Variants in KCNH8 observed in about 807,000 individuals in gnomAD.
KCNH8 encodes the protein potassium voltage-gated channel subfamily H member 8, also known as voltage-gated delayed rectifier potassium channel KCNH8.
KCNH8 carries 70 observed loss-of-function variants against 103.6 expected under a neutral mutation model. The ratio of observed to expected loss-of-function variants is 0.68; its 90% CI spans 0.56 to 0.82. The LOEUF is 0.82. Ranked by LOEUF, KCNH8 falls within the 40% of genes least tolerant of loss-of-function variation. The pLI is 0.00. For synonymous variants in KCNH8, 498 were observed against 489.4 expected, an observed-to-expected ratio of 1.02 and a Z score of -0.23; for missense variants, 1,217 against 1,329.9, an observed-to-expected ratio of 0.92 and a Z score of 1.32.
At chr3:19,506,543 CA>C (rs2125238086) in intron 11 of KCNH8, among the ~76,000 whole-genome samples, 1 of 152,240 alleles carries the variant, frequency 6.6e-6, no homozygotes, top group South Asian at 2.1e-4. Flanking sequence ...CTCATGATTG[CA>C]GCTATGCTCC....
intron 5 of KCNH8, among the ~76,000 whole-genome samples, chr3:19,371,904 C>G (rs1156402153): frequency 2.0e-5 from 3 of 150,316 alleles, no homozygotes; most frequent in Admixed American, 6.6e-5. Context: ...TCAGGTTTGT[C>G]AAAGATCAGA....
At chr3:19,232,930 A>G (rs1487151606) in intron 1 of KCNH8, among the ~76,000 whole-genome samples, 1 of 152,198 alleles carries the variant, frequency 6.6e-6, no homozygotes, top group Non-Finnish European at 1.5e-5. Flanking sequence ...CTGATGTTTG[A>G]CACATAAAAT....
chr3:19,162,796 G>T (rs1452672168), intron 1 of KCNH8, among the ~76,000 whole-genome samples: 1 of 152,028 alleles, frequency 6.6e-6, no homozygotes, highest in Non-Finnish European at 1.5e-5. Context: ...TTTGAAGGTA[G>T]TTACCCTGAA....
At chr3:19,378,904 G>T (rs1363175558) in intron 5 of KCNH8, among the ~76,000 whole-genome samples, 1 of 152,116 alleles carries the variant, frequency 6.6e-6, no homozygotes, top group African/African-American at 2.4e-5. Flanking sequence ...TTTAGCTGTT[G>T]CATGTTTTAA....
At chr3:19,419,206 T>TTTG (rs1450748979) in intron 7 of KCNH8, among the ~76,000 whole-genome samples, 4 of 141,446 alleles carry the variant, frequency 2.8e-5, no homozygotes, top group African/African-American at 1.1e-4. Context: ...TTTTTTTTTT[T>TTTG]TTTTTTTTTT....
At chr3:19,425,802 T>C (rs1171726260) in intron 7 of KCNH8, among the ~76,000 whole-genome samples, 2 of 152,190 alleles carry the variant, frequency 1.3e-5, no homozygotes, top group Non-Finnish European at 2.9e-5. Flanking sequence ...ATCTGCAGAA[T>C]GTTCAGAAAA....
At position 19,247,521 on chromosome 3, in the gene KCNH8, A is replaced by G. The variant is rs2064221871; in HGVS notation, c.77-6133A>G. On this transcript the variant is annotated intron_variant, in intron 1 of 15. Transcript: ENST00000328405. ...TGAAAGCATAGGGGGGCAACTCACA[A>G]AACAATGTCAAAAGTTCCTGTTTGT... 2.6e-5 allele frequency among the ~76,000 whole-genome samples: 4 copies of G among 152,208 alleles called. No homozygotes were observed. The South Asian group carries it at 6.2e-4, about 24-fold the overall frequency.
At chr3:19,361,947 G>T (rs1244370121) in intron 5 of KCNH8, among the ~76,000 whole-genome samples, 1 of 152,070 alleles carries the variant, frequency 6.6e-6, no homozygotes, top group Non-Finnish European at 1.5e-5. Context: ...ACAAGATCTG[G>T]TTAATTACTG....
intron 15 of KCNH8, among the ~76,000 whole-genome samples, chr3:19,519,381 A>G (rs1268986866): frequency 6.6e-6 from 1 of 151,762 alleles, no homozygotes; most frequent in Admixed American, 6.6e-5. Flanking sequence ...GTTATCTGTA[A>G]TAAGGGCAGA....
At chr3:19,375,068 C>T (rs924733563) in intron 5 of KCNH8, among the ~76,000 whole-genome samples, 3 of 151,562 alleles carry the variant, frequency 2.0e-5, no homozygotes, top group Non-Finnish European at 4.4e-5. Flanking sequence ...TTTGGTGAAT[C>T]TGACAATTAT....
Position 19,340,089 on chromosome 3 carries a change from T to C in KCNH8, c.443-2498T>C, listed in dbSNP as rs1029639132. Among the ~76,000 whole-genome samples the C allele has an allele frequency of 4.6e-5, 7 of 152,214 alleles. 1 individual carries two copies. In the South Asian group the frequency reaches 1.2e-3, roughly 27 times the overall value. ...TGTAAATGGAGAATAATAATACTTATTTCATAGGATATTTATGAGGATCAA... is the reference window on the plus strand; with the variant it reads ...TGTAAATGGAGAATAATAATACTTACTTCATAGGATATTTATGAGGATCAA... On this transcript the variant is annotated intron_variant, in intron 3 of 15. Transcript: ENST00000328405.
chr3:19,289,872 C>A (rs2064892623), intron 3 of KCNH8, among the ~76,000 whole-genome samples: 1 of 152,152 alleles, frequency 6.6e-6, no homozygotes, highest in Admixed American at 6.5e-5. Flanking sequence ...TTCTTCCTAC[C>A]CATGAGCATG....
At chr3:19,440,984 T>C (rs2067275271) in intron 8 of KCNH8, among the ~76,000 whole-genome samples, 1 of 152,170 alleles carries the variant, frequency 6.6e-6, no homozygotes. Flanking sequence ...CTTCGCTAGC[T>C]GACCTCAGTT....
At position 19,271,502 on chromosome 3, in the gene KCNH8, C is replaced by T. The variant is rs541757399; in HGVS notation, c.311-9696C>T. On this transcript the variant is annotated intron_variant, in intron 2 of 15. Transcript: ENST00000328405. ...ATTATTGGAACAAATATCCACTTTACACCACCACCTAACTTTAAGATATAT... is the reference window on the plus strand; with the variant it reads ...ATTATTGGAACAAATATCCACTTTATACCACCACCTAACTTTAAGATATAT... 1.1e-3 allele frequency among the ~76,000 whole-genome samples: 160 copies of T among 152,242 alleles called. 1 individual carries two copies. The highest frequency in any genetic ancestry group is 3.7e-3 in the African/African-American group (155 of 41,556).
At chr3:19,183,352 C>G (rs1367996413) in intron 1 of KCNH8, among the ~76,000 whole-genome samples, 2 of 151,932 alleles carry the variant, frequency 1.3e-5, no homozygotes, top group Non-Finnish European at 2.9e-5. Context: ...GTGTGGAGAC[C>G]AACTCTACCA....
In KCNH8 at chr3:19,534,947, T is replaced by A. The variant is rs1288135784; in HGVS notation, c.*848T>A. On this transcript the variant is annotated 3_prime_UTR_variant, in exon 16 of 16. Coordinates refer to ENST00000328405, the MANE Select transcript of KCNH8 (RefSeq NM_144633.3). ...AAAAGAAAAGTGAAGTCATATTTTGTTAATGAAATAAAAACATGGACTGAG... is the reference window on the plus strand; with the variant it reads ...AAAAGAAAAGTGAAGTCATATTTTGATAATGAAATAAAAACATGGACTGAG... 1 of 152,188 alleles carries A rather than the reference T, an allele frequency of 6.6e-6. No homozygotes were observed. Among genetic ancestry groups the A allele is most frequent in the African/African-American group, 2.4e-5 (1 of 41,458 alleles). 9.4% of individuals were successfully genotyped at this position (152,188 alleles called of 1,614,324 possible). A position where few individuals can be genotyped will look rare whatever the true frequency, so the allele number is the denominator to read the frequency against.
Position 19,249,413 on chromosome 3 carries a change from G to A in KCNH8, c.77-4241G>A, listed in dbSNP as rs188015279. On this transcript the variant is annotated intron_variant, in intron 1 of 15. Coordinates refer to ENST00000328405, the MANE Select transcript of KCNH8 (RefSeq NM_144633.3). The stretch of plus-strand genomic sequence containing the variant: ...AATTGAAATGCAATTACACATCGAG[G>A]ACAAGTGCTAAATATAAACAGAAAA... Among the ~76,000 whole-genome samples the A allele has an allele frequency of 1.3e-4, 20 of 152,262 alleles. No homozygotes were observed. The East Asian group carries it at 3.9e-3, about 29-fold the overall frequency.
At chr3:19,158,206 T>C (rs2063199874) in intron 1 of KCNH8, among the ~76,000 whole-genome samples, 1 of 151,626 alleles carries the variant, frequency 6.6e-6, no homozygotes, top group African/African-American at 2.4e-5. Context: ...TTCCTAACAA[T>C]GTTATTCAAC....
intron 1 of KCNH8, among the ~76,000 whole-genome samples, chr3:19,252,648 A>G (rs1423620311): frequency 2.6e-5 from 4 of 152,096 alleles, no homozygotes; most frequent in Admixed American, 6.5e-5. Flanking sequence ...TTGGCCTCCC[A>G]AAGTGCTGTA....
Sources: gnomAD v4.1 joint callset for allele counts (sites outside exome capture counted in the v4.1 genomes callset) on GRCh38, gnomAD v4.1.1 for gene constraint, MANE v1.5 for transcripts, NCBI Gene and HGNC (gene_info 2026-07-23, HGNC 2026-07-21) for gene names.